The following ANXA4 variants were observed in gnomAD, a reference collection of about 807,000 sequenced individuals.
ANXA4 encodes the protein 35-beta calcimedin.
A neutral mutation model predicts 49.8 loss-of-function variants in ANXA4; 39 were observed. That is an observed-to-expected ratio of 0.78 (90% confidence interval 0.61 to 1.02). The LOEUF is 1.02. Ranked by LOEUF, ANXA4 falls within the 50% of genes least tolerant of loss-of-function variation. ANXA4 has a pLI of 0.00. For synonymous variants in ANXA4, 134 were observed against 152.5 expected, an observed-to-expected ratio of 0.88 and a Z score of 0.89; for missense variants, 360 against 410.1, an observed-to-expected ratio of 0.88 and a Z score of 1.05.
intron 3 of ANXA4, among the ~76,000 whole-genome samples, chr2:69,789,374 G>A (rs1206897515): frequency 6.6e-6 from 1 of 152,126 alleles, no homozygotes; most frequent in Non-Finnish European, 1.5e-5. Context: ...CTTGCCTTGA[G>A]TCCGTCTGCT....
At chr2:69,647,420 A>ATTTTTTTT (rs1553425509) in intron 1 of ANXA4, among the ~76,000 whole-genome samples, 38 of 138,978 alleles carry the variant, frequency 2.7e-4, no homozygotes, top group Non-Finnish European at 5.3e-4. Flanking sequence ...TTATTTATTT[A>ATTTTTTTT]TTTTTTGAGA....
intron 3 of ANXA4, chr2:69,803,438 G>A (rs1558515109): frequency 6.6e-6 from 1 of 152,130 alleles, no homozygotes; most frequent in Non-Finnish European, 1.5e-5. Flanking sequence ...TTTATGAACA[G>A]CCAGCTGTTA....
intron 2 of ANXA4, chr2:69,700,134 T>G (rs1046568958): frequency 1.3e-5 from 2 of 152,228 alleles, no homozygotes; most frequent in Admixed American, 1.3e-4. Flanking sequence ...AGAAAGTGAT[T>G]AGATAAAACA....
At chr2:69,774,464 G>A (rs970462865) in intron 1 of ANXA4, among the ~76,000 whole-genome samples, 4 of 149,676 alleles carry the variant, frequency 2.7e-5, no homozygotes, top group Non-Finnish European at 3.0e-5. Flanking sequence ...TCAGCCTTCC[G>A]AGTAGCTGGG....
At chr2:69,762,863 T>A (rs73935694) in intron 1 of ANXA4, among the ~76,000 whole-genome samples, 3 of 150,524 alleles carry the variant, frequency 2.0e-5, no homozygotes, top group African/African-American at 7.4e-5. Context: ...ACACACTCAC[T>A]CACACACTCA....
intron 2 of ANXA4, among the ~76,000 whole-genome samples, chr2:69,712,513 A>G (rs1265647900): frequency 6.6e-6 from 1 of 152,186 alleles, no homozygotes; most frequent in African/African-American, 2.4e-5. Context: ...CTTTCAGCCT[A>G]GGGGAGACAA....
At chr2:69,652,422 A>G (rs965845313) in intron 1 of ANXA4, among the ~76,000 whole-genome samples, 1 of 152,174 alleles carries the variant, frequency 6.6e-6, no homozygotes, top group Admixed American at 6.5e-5. Context: ...CAGTGTTGCT[A>G]TGAGTCAATC....
chr2:69,705,287 T>C (rs28458272), intron 2 of ANXA4, among the ~76,000 whole-genome samples: 8,239 of 151,980 alleles, frequency 0.054, 545 homozygotes, highest in African/African-American at 0.15. Flanking sequence ...CAGAGTGAGA[T>C]GCTGTCTCAA....
intron 1 of ANXA4, among the ~76,000 whole-genome samples, chr2:69,648,920 C>G (rs1172006540): frequency 2.6e-4 from 24 of 93,932 alleles, no homozygotes; most frequent in Non-Finnish European, 3.2e-4. Flanking sequence ...GAGTTTTGCT[C>G]TGTTACCCAG....
chr2:69,663,519 G>A (rs1484755931), intron 2 of ANXA4, among the ~76,000 whole-genome samples: 1 of 151,828 alleles, frequency 6.6e-6, no homozygotes, highest in Non-Finnish European at 1.5e-5. Context: ...GAAATGCTGG[G>A]CATGGTGACA....
At chr2:69,746,860 T>C (rs1477427198) in intron 1 of ANXA4, among the ~76,000 whole-genome samples, 1 of 149,406 alleles carries the variant, frequency 6.7e-6, no homozygotes, top group African/African-American at 2.5e-5. Flanking sequence ...TAGCCAGGTG[T>C]GGTGGTGCAC....
chr2:69,736,033 T>C (rs896970876), intron 3 of ANXA4, among the ~76,000 whole-genome samples: 3 of 152,194 alleles, frequency 2.0e-5, no homozygotes, highest in Non-Finnish European at 4.4e-5. Context: ...GCTGTACTTA[T>C]ATACTCCAAA....
At chr2:69,741,233 A>G (rs1192074151), upstream of ANXA4, among the ~76,000 whole-genome samples, 1 of 152,188 alleles carries the variant, frequency 6.6e-6, no homozygotes, top group African/African-American at 2.4e-5. Flanking sequence ...AAAAAACTGA[A>G]TTTGCCTATA....
At chr2:69,708,504 A>C (rs2105402057) in intron 2 of ANXA4, among the ~76,000 whole-genome samples, 1 of 152,050 alleles carries the variant, frequency 6.6e-6, no homozygotes, top group South Asian at 2.1e-4. Flanking sequence ...CTGAGGTGGG[A>C]GGATCACTTG....
intron 10 of ANXA4, 40 bp from the exon 11 acceptor site, chr2:69,819,240 T>C: frequency 7.0e-7 from 1 of 1,436,602 alleles, no homozygotes; most frequent in Non-Finnish European, 9.6e-7. Flanking sequence ...ATGGGTCTTA[T>C]CTGTAATCTT....
chr2:69,711,181 T>C (rs989265098), intron 2 of ANXA4, among the ~76,000 whole-genome samples: 13 of 152,044 alleles, frequency 8.6e-5, no homozygotes, highest in African/African-American at 3.1e-4. Context: ...AATACAAAAA[T>C]GAGCTGGGCA....
intron 2 of ANXA4, among the ~76,000 whole-genome samples, chr2:69,712,026 T>A (rs1331321509): frequency 6.6e-6 from 1 of 152,170 alleles, no homozygotes; most frequent in African/African-American, 2.4e-5. Context: ...CAATTTATTT[T>A]TATTTTTTTC....
At chr2:69,793,223 G>A (rs1310033674) in intron 3 of ANXA4, among the ~76,000 whole-genome samples, 1 of 137,056 alleles carries the variant, frequency 7.3e-6, no homozygotes, top group East Asian at 2.2e-4. Flanking sequence ...CTGCACTCCA[G>A]TCTGGCGACA....
At chr2:69,744,707 T>C (rs1465770509) in intron 1 of ANXA4, among the ~76,000 whole-genome samples, 1 of 152,188 alleles carries the variant, frequency 6.6e-6, no homozygotes, top group Non-Finnish European at 1.5e-5. Context: ...CAAGGTTCCA[T>C]ATCATAATCC....
Sources: gnomAD v4.1 joint callset for allele counts (sites outside exome capture counted in the v4.1 genomes callset) on GRCh38, gnomAD v4.1.1 for gene constraint, MANE v1.5 for transcripts, NCBI Gene and HGNC (gene_info 2026-07-23, HGNC 2026-07-21) for gene names.